GPHN: variants seen among roughly 807,000 people sequenced by gnomAD.
The protein encoded by GPHN is gephyrin.
Under a neutral mutation model 95.5 loss-of-function variants are expected in GPHN, and 17 were observed. The observed-to-expected ratio is 0.18, with a 90% CI of 0.12 to 0.27. The LOEUF (loss-of-function observed/expected upper bound fraction) is 0.27. Ranked by LOEUF, GPHN falls within the 10% of genes least tolerant of loss-of-function variation. The pLI, the probability that GPHN is intolerant of heterozygous loss-of-function variation, is 1.00. For synonymous variants in GPHN, 320 were observed against 322.5 expected (o/e 0.99, Z 0.08); for missense variants, 660 against 978.1 (o/e 0.67, Z 4.34).
intron 1 of GPHN, among the ~76,000 whole-genome samples, chr14:66,560,407 T>C (rs1206856501): frequency 6.6e-6 from 1 of 152,222 alleles, no homozygotes; most frequent in African/African-American, 2.4e-5. Context: ...GTATCCTCTT[T>C]TATTTCATTG....
intron 3 of GPHN, among the ~76,000 whole-genome samples, chr14:66,783,548 C>T (rs190967199): frequency 2.4e-4 from 36 of 152,246 alleles, no homozygotes; most frequent in Non-Finnish European, 4.7e-4. Context: ...TTTCACCTTT[C>T]CTTTCCCACG....
Position 67,181,031 on chromosome 14 carries a change from A to G in GPHN, c.*94A>G, listed in dbSNP as rs2083302001. On this transcript the variant is annotated 3_prime_UTR_variant, in exon 23 of 23. Transcript: ENST00000478722. ...GGCACAGCTAGTTTTCCCGATTTGG[A>G]TAAAAGTTGATCTGTATAGTCAACA... 5 of 1,199,140 alleles carry G rather than the reference A, an allele frequency of 4.2e-6. No individual in the cohort carries two copies. The highest frequency in any genetic ancestry group is 6.2e-6 in the Non-Finnish European group (5 of 810,490). The allele number at this position is 1,199,140 out of a possible 1,614,324, so 74.3% of individuals were successfully genotyped here.
chr14:67,305,317 A>G, the GPHN span, among the ~76,000 whole-genome samples: 23,424 of 151,614 alleles, frequency 0.15, 3,390 homozygotes, highest in East Asian at 0.41. Flanking sequence ...ATCTGGCTCT[A>G]TTATCCAGGC....
intron 10 of GPHN, among the ~76,000 whole-genome samples, chr14:67,037,056 A>G (rs2153633873): frequency 6.6e-6 from 1 of 152,186 alleles, no homozygotes; most frequent in African/African-American, 2.4e-5. Context: ...ACAGTAATCA[A>G]AAAAGTCTGG....
At chr14:67,404,811 G>GA in the GPHN span, among the ~76,000 whole-genome samples, 1 of 151,912 alleles carries the variant, frequency 6.6e-6, no homozygotes, top group Non-Finnish European at 1.5e-5. Context: ...CCCCATCTCA[G>GA]AAAAAATATA....
the GPHN span, among the ~76,000 whole-genome samples, chr14:67,465,269 A>G: frequency 6.6e-6 from 1 of 152,234 alleles, no homozygotes. Flanking sequence ...CAGTTGGGCT[A>G]AGAGGAGAAA....
chr14:67,052,126 A>G (rs1392857781), intron 10 of GPHN, among the ~76,000 whole-genome samples: 1 of 152,208 alleles, frequency 6.6e-6, no homozygotes, highest in Non-Finnish European at 1.5e-5. Flanking sequence ...TTAAATGTAA[A>G]TGAGCTAAAT....
the GPHN span, among the ~76,000 whole-genome samples, chr14:67,291,077 C>T: frequency 1.3e-5 from 2 of 151,858 alleles, no homozygotes; most frequent in South Asian, 4.2e-4. Flanking sequence ...GCAGGGGGGT[C>T]GGAGTTGACA....
chr14:67,418,887 T>C, the GPHN span, among the ~76,000 whole-genome samples: 14 of 152,248 alleles, frequency 9.2e-5, no homozygotes, highest in African/African-American at 3.4e-4. Flanking sequence ...TGGAACGCCT[T>C]GAGAGGTCAG....
At chr14:66,639,916 T>C (rs9323476) in intron 1 of GPHN, among the ~76,000 whole-genome samples, 38,392 of 152,088 alleles carry the variant, frequency 0.25, 9,772 homozygotes, top group African/African-American at 0.62. Flanking sequence ...GTAGTGCTTA[T>C]CGTATTTCTG....
chr14:66,965,084 A>G (rs1478779239), intron 8 of GPHN, 107 bp from the exon 9 acceptor site: 1 of 898,950 alleles, frequency 1.1e-6, no homozygotes, highest in Non-Finnish European at 1.9e-6. Flanking sequence ...AGTGACACCA[A>G]ATATGTCAGA....
At chr14:66,715,115 T>C (rs1405076022) in intron 2 of GPHN, among the ~76,000 whole-genome samples, 2 of 152,192 alleles carry the variant, frequency 1.3e-5, no homozygotes, top group East Asian at 1.9e-4. Context: ...CCTGGACTTT[T>C]TTCTGTTGTT....
intron 1 of GPHN, among the ~76,000 whole-genome samples, chr14:66,656,721 G>T (rs2065329293): frequency 6.6e-6 from 1 of 151,914 alleles, no homozygotes. Flanking sequence ...CAATTGTTTT[G>T]GCTTACCATG....
the GPHN span, among the ~76,000 whole-genome samples, chr14:67,731,209 T>A: frequency 1.4e-5 from 1 of 69,156 alleles, no homozygotes. Flanking sequence ...CTTTCTTTCT[T>A]TTTTTTTTTT....
chr14:66,991,895 AAAG>A (rs2071451106), intron 9 of GPHN, among the ~76,000 whole-genome samples: 2 of 151,518 alleles, frequency 1.3e-5, no homozygotes, highest in African/African-American at 4.8e-5. Flanking sequence ...AAAGAAAAGA[AAAG>A]AAAAACATAG....
At chr14:67,587,239 T>C in the GPHN span, 3 of 1,613,658 alleles carry the variant, frequency 1.9e-6, no homozygotes, top group Non-Finnish European at 2.5e-6. Flanking sequence ...GCTGTGAATA[T>C]TTCTCCTACC....
intron 6 of GPHN, among the ~76,000 whole-genome samples, chr14:66,922,332 A>G (rs1161993567): frequency 1.3e-5 from 2 of 151,666 alleles, no homozygotes; most frequent in African/African-American, 2.4e-5. Context: ...GGAGTAGTAC[A>G]GTTCATGACA....
At chr14:66,687,459 ATTAC>A (rs959572044) in intron 2 of GPHN, among the ~76,000 whole-genome samples, 56 of 134,284 alleles carry the variant, frequency 4.2e-4, no homozygotes, top group African/African-American at 1.3e-3. Context: ...TTTTTACAAT[ATTAC>A]TTCTTTTTCT....
At chr14:66,815,559 A>C (rs1227369290) in intron 3 of GPHN, among the ~76,000 whole-genome samples, 1 of 152,152 alleles carries the variant, frequency 6.6e-6, no homozygotes, top group Non-Finnish European at 1.5e-5. Context: ...ATCCATCCAA[A>C]CTAAACTTCA....
Sources: allele counts gnomAD v4.1 joint callset (sites outside exome capture counted in the v4.1 genomes callset), GRCh38; gene constraint gnomAD v4.1.1; transcripts MANE v1.5; gene names NCBI Gene and HGNC (gene_info 2026-07-23, HGNC 2026-07-21).